The following PHEX variants were observed in gnomAD, a reference collection of about 807,000 sequenced individuals.
PHEX encodes phosphate regulating endopeptidase X-linked.
Under a neutral mutation model 68.0 loss-of-function variants are expected in PHEX, and 16 were observed. The ratio of observed to expected loss-of-function variants is 0.24; its 90% CI spans 0.16 to 0.36. PHEX has a LOEUF of 0.36. PHEX is among the 10% of genes least tolerant of loss of function. PHEX has a pLI of 1.00. For synonymous variants in PHEX, 208 were observed against 205.1 expected, an observed-to-expected ratio of 1.01 and a Z score of -0.12; for missense variants, 480 against 575.5, an observed-to-expected ratio of 0.83 and a Z score of 1.70.
chrX:22,118,296 C>A (rs5951502), intron 11 of PHEX, among the ~76,000 whole-genome samples: 30,461 of 88,308 alleles, frequency 0.34, 5,580 homozygotes, highest in African/African-American at 0.62. Flanking sequence ...CCACACTTTG[C>A]GCAGCAAGGT....
At chrX:22,158,722 T>C (rs1160854492) in intron 12 of PHEX, among the ~76,000 whole-genome samples, 2 of 112,232 alleles carry the variant, frequency 1.8e-5, no homozygotes, top group African/African-American at 6.5e-5. Flanking sequence ...AAAAAGTAGA[T>C]GCCATTTCAG....
chrX:22,137,321 C>T (rs772933931), intron 12 of PHEX, among the ~76,000 whole-genome samples: 1 of 111,821 alleles, frequency 8.9e-6, no homozygotes, highest in Non-Finnish European at 1.9e-5. Context: ...AGGTCACATC[C>T]AAAGAAAAAT....
chrX:22,075,985 A>G (rs1012560708), intron 3 of PHEX, among the ~76,000 whole-genome samples: 1 of 111,963 alleles, frequency 8.9e-6, no homozygotes, highest in Non-Finnish European at 1.9e-5. Context: ...AAGAAACACA[A>G]CCCTGATGAA....
chrX:22,051,527 T>C (rs1465716692), intron 3 of PHEX, among the ~76,000 whole-genome samples: 2 of 111,322 alleles, frequency 1.8e-5, no homozygotes, highest in African/African-American at 3.3e-5. Flanking sequence ...TAAAATTCTA[T>C]CTCAAAAAAA....
intron 16 of PHEX, among the ~76,000 whole-genome samples, chrX:22,215,984 T>C (rs6629456): frequency 2.5e-3 from 278 of 111,819 alleles, no homozygotes; most frequent in Middle Eastern, 9.2e-3. Context: ...GACCAATAGA[T>C]GGGAGCCATA....
chrX:22,088,687 T>C (rs917831573), intron 5 of PHEX, among the ~76,000 whole-genome samples: 2 of 112,146 alleles, frequency 1.8e-5, no homozygotes, highest in East Asian at 5.6e-4. Flanking sequence ...GGAATCTTTA[T>C]GTATTCTAGA....
intron 15 of PHEX, among the ~76,000 whole-genome samples, chrX:22,193,447 T>G (rs1934267252): frequency 9.0e-6 from 1 of 110,690 alleles, no homozygotes; most frequent in Non-Finnish European, 1.9e-5. Context: ...TTTTGTTTTG[T>G]TTTTTTAAAA....
chrX:22,073,567 A>G (rs747599241), intron 3 of PHEX, among the ~76,000 whole-genome samples: 1 of 108,336 alleles, frequency 9.2e-6, no homozygotes, highest in Non-Finnish European at 1.9e-5. Flanking sequence ...TATGTACTTA[A>G]TGTTCAAATT....
rs191769295 is a variant in PHEX at position 22,102,818 on chromosome X, C to T, written c.1079+3667C>T. 4.5e-3 allele frequency among the ~76,000 whole-genome samples: 500 copies of T among 112,029 alleles called. 2 individuals are homozygous for T. Among genetic ancestry groups the T allele is most frequent in the African/African-American group, 0.015 (468 of 30,879 alleles). On this transcript the variant is annotated intron_variant, in intron 9 of 21. Coordinates refer to ENST00000379374, the MANE Select transcript of PHEX (RefSeq NM_000444.6). Reference sequence around the variant, plus strand: ...AGCATCAGATGAATGTTCTGAGGATCCCCCCACCTCCTACCTTTCCCTTGG... The same window carrying T: ...AGCATCAGATGAATGTTCTGAGGATTCCCCCACCTCCTACCTTTCCCTTGG...
chrX:22,230,959 C>T (rs930101333), intron 20 of PHEX, among the ~76,000 whole-genome samples: 1 of 111,719 alleles, frequency 9.0e-6, no homozygotes, highest in Non-Finnish European at 1.9e-5. Flanking sequence ...GCCATCAATA[C>T]CTAGTTTACT....
rs1276511185 is a variant in PHEX, at chrX:22,213,063, G to T, written c.1700+105G>T. 7 of 671,554 alleles carry T rather than the reference G, an allele frequency of 1.0e-5. 1 individual carries two copies. Among genetic ancestry groups the T allele is most frequent in the Non-Finnish European group, 1.7e-5 (7 of 405,095 alleles). The allele number at this position is 671,554 out of a possible 1,213,427, so 55.3% of individuals were successfully genotyped here. ...GTCAAAGGTTATTCAGCAGAAAGAA[G>T]CCATGGAATCTGGCGTGGGTCGCCT... On this transcript the variant is annotated intron_variant, in intron 16 of 21. Transcript: ENST00000379374.
chrX:22,071,696 T>G, intron 3 of PHEX, among the ~76,000 whole-genome samples: 1 of 112,861 alleles, frequency 8.9e-6, no homozygotes, highest in Non-Finnish European at 1.9e-5. Context: ...TTCATCCCCT[T>G]TGAGGCTAGG....
intron 17 of PHEX, among the ~76,000 whole-genome samples, chrX:22,219,558 G>A (rs771964117): frequency 2.7e-5 from 3 of 111,945 alleles, no homozygotes; most frequent in African/African-American, 9.7e-5. Context: ...TTACGATTTC[G>A]AAGATTATGC....
intron 18 of PHEX, among the ~76,000 whole-genome samples, chrX:22,224,936 C>T (rs1935396434): frequency 3.2e-3 from 1 of 316 alleles, no homozygotes; most frequent in Non-Finnish European, 0.011. Flanking sequence ...TTAGTAGCTT[C>T]AAATAACATA....
chrX:22,119,567 T>C (rs2147071106), intron 11 of PHEX, among the ~76,000 whole-genome samples: 1 of 110,214 alleles, frequency 9.1e-6, no homozygotes, highest in African/African-American at 3.3e-5. Flanking sequence ...TTTATTTTTA[T>C]TTTTTAATAC....
intron 14 of PHEX, among the ~76,000 whole-genome samples, chrX:22,184,858 G>C (rs777642413): frequency 8.9e-6 from 1 of 112,042 alleles, no homozygotes; most frequent in African/African-American, 3.2e-5. Flanking sequence ...TTCCTGCCCA[G>C]AACTTTTGTT....
In PHEX at chrX:22,098,989, G is replaced by C. The variant is rs1241923355; in HGVS notation, c.934-17G>C. On this transcript the variant is annotated splice_polypyrimidine_tract_variant and intron_variant, in intron 8 of 21. Transcript: ENST00000379374. The stretch of plus-strand genomic sequence containing the variant: ...AACCGAGATTCTCTCATTCTGTTTT[G>C]TTCTCTCTCCCCTCAGTTCGACTGG... 2 of 1,204,064 alleles carry C rather than the reference G, an allele frequency of 1.7e-6. No individual in the cohort carries two copies. Among genetic ancestry groups the C allele is most frequent in the Admixed American group, 4.4e-5 (2 of 45,764 alleles).
chrX:22,207,227 G>GATAA (rs200460727), intron 15 of PHEX, among the ~76,000 whole-genome samples: 17,286 of 111,239 alleles, frequency 0.16, 1,492 homozygotes, highest in African/African-American at 0.33. Flanking sequence ...CAGTATTACT[G>GATAA]ATAAATAATT....
At position 22,218,762 on chromosome X, in the gene PHEX, A is replaced by T. The variant is rs182020906; in HGVS notation, c.1701-274A>T. Among the ~76,000 whole-genome samples, 22 of 112,410 alleles carry T rather than the reference A, an allele frequency of 2.0e-4. No homozygotes were observed. In the East Asian group the frequency reaches 5.8e-3, roughly 30 times the overall value. On this transcript the variant is annotated intron_variant, in intron 16 of 21. Transcript: ENST00000379374. The stretch of plus-strand genomic sequence containing the variant: ...CTTAAGGCTGAAAGGGACTTTAGAA[A>T]TCATCTCTTTCACATCCCTAATTTC...
Sources: allele counts gnomAD v4.1 joint callset (sites outside exome capture counted in the v4.1 genomes callset), GRCh38; gene constraint gnomAD v4.1.1; transcripts MANE v1.5; gene names NCBI Gene and HGNC (gene_info 2026-07-23, HGNC 2026-07-21).